CDH4: variants seen among roughly 807,000 people sequenced by gnomAD.
CDH4 encodes the protein cadherin 4.
Under a neutral mutation model 86.0 loss-of-function variants are expected in CDH4, and 33 were observed. The ratio of observed to expected loss-of-function variants is 0.38; its 90% CI spans 0.29 to 0.51. The LOEUF (loss-of-function observed/expected upper bound fraction) is 0.51, where lower values mean the gene tolerates loss of function less well. Ranked by LOEUF, CDH4 falls within the 20% of genes least tolerant of loss-of-function variation. The pLI, the probability that CDH4 is intolerant of heterozygous loss-of-function variation, is 0.86. For missense variants in CDH4, 1,114 were observed against 1,307.4 expected (o/e 0.85, Z 2.28); for synonymous variants, 555 against 549.4 (o/e 1.01, Z -0.14).
chr20:61,529,278 A>G (rs2085935127), intron 2 of CDH4, among the ~76,000 whole-genome samples: 1 of 152,222 alleles, frequency 6.6e-6, no homozygotes, highest in Admixed American at 6.5e-5. Context: ...CATCATTTAC[A>G]TAGGCTTTAA....
At chr20:61,537,142 C>T (rs1027461194) in intron 2 of CDH4, among the ~76,000 whole-genome samples, 5 of 152,212 alleles carry the variant, frequency 3.3e-5, no homozygotes, top group Admixed American at 6.5e-5. Flanking sequence ...CTGAGGTCTA[C>T]ATCATTGCTT....
chr20:61,375,319 T>C (rs1230874377), intron 2 of CDH4, among the ~76,000 whole-genome samples: 1 of 152,180 alleles, frequency 6.6e-6, no homozygotes, highest in African/African-American at 2.4e-5. Flanking sequence ...ATGGAGGTGA[T>C]GGTGGTGACA....
intron 2 of CDH4, among the ~76,000 whole-genome samples, chr20:61,280,834 G>A (rs1168064227): frequency 1.3e-5 from 2 of 149,160 alleles, no homozygotes; most frequent in Admixed American, 6.6e-5. Context: ...GTCCCTAACA[G>A]CTCTCACCTC....
intron 6 of CDH4, among the ~76,000 whole-genome samples, chr20:61,872,629 C>T (rs1490735813): frequency 2.6e-5 from 4 of 152,162 alleles, no homozygotes; most frequent in African/African-American, 9.7e-5. Flanking sequence ...CGCTGCAGGG[C>T]CGGGCACCCG....
intron 1 of CDH4, among the ~76,000 whole-genome samples, chr20:61,253,750 G>T (rs1226598505): frequency 6.6e-6 from 1 of 152,174 alleles, no homozygotes; most frequent in Non-Finnish European, 1.5e-5. Flanking sequence ...GGCGCCCTCC[G>T]CGGTGCCGGC....
At chr20:61,433,756 G>T (rs1263600283) in intron 2 of CDH4, among the ~76,000 whole-genome samples, 1 of 152,068 alleles carries the variant, frequency 6.6e-6, no homozygotes, top group Non-Finnish European at 1.5e-5. Flanking sequence ...CCACAGGGTG[G>T]GTAGGAGGTT....
At chr20:61,528,330 T>G (rs113246638) in intron 2 of CDH4, among the ~76,000 whole-genome samples, 4,069 of 143,692 alleles carry the variant, frequency 0.028, 226 homozygotes, top group African/African-American at 0.1. Flanking sequence ...TGAGCCGAGA[T>G]CATGCCATTG....
At chr20:61,818,182 A>G (rs1189706096) in intron 4 of CDH4, among the ~76,000 whole-genome samples, 1 of 152,174 alleles carries the variant, frequency 6.6e-6, no homozygotes, top group Non-Finnish European at 1.5e-5. Context: ...GGTACACACC[A>G]CTACGCCTCT....
intron 2 of CDH4, among the ~76,000 whole-genome samples, chr20:61,360,129 G>A (rs867896682): frequency 1.3e-5 from 2 of 152,190 alleles, no homozygotes; most frequent in African/African-American, 4.8e-5. Context: ...CGGCATCTTG[G>A]GGAAGGGAGA....
At chr20:61,550,311 CTCCCTAGCCTGCT>C (rs1422924118) in intron 2 of CDH4, among the ~76,000 whole-genome samples, 1 of 132,952 alleles carries the variant, frequency 7.5e-6, no homozygotes, top group African/African-American at 3.2e-5. Flanking sequence ...CCTCACTGGC[CTCCCTAGCCTGCT>C]TCCCTGGCCT....
chr20:61,680,823 T>G (rs912642085), intron 2 of CDH4, among the ~76,000 whole-genome samples: 2 of 120,548 alleles, frequency 1.7e-5, no homozygotes, highest in Middle Eastern at 3.6e-3. Context: ...CTGTCCTGAG[T>G]TCCCCCCTGT....
intron 2 of CDH4, among the ~76,000 whole-genome samples, chr20:61,624,038 C>T (rs759741001): frequency 1.0e-3 from 157 of 152,290 alleles, no homozygotes; most frequent in African/African-American, 3.6e-3. Flanking sequence ...AACGTTTTCT[C>T]GCTCCCTGTC....
chr20:61,708,223 C>G lies in CDH4; in HGVS notation c.170-35340C>G, dbSNP rs1175763200. 6.6e-6 allele frequency among the ~76,000 whole-genome samples: 1 copy of G among 152,186 alleles called. No homozygotes were observed. The highest frequency in any genetic ancestry group is 1.5e-5 in the Non-Finnish European group (1 of 68,008). On this transcript the variant is annotated intron_variant, in intron 2 of 15. Coordinates refer to ENST00000614565, the MANE Select transcript of CDH4 (RefSeq NM_001794.5). This position sits in a 1 kb window ranked among gnomAD's most constrained non-coding sequence, Gnocchi z 4.5. ...GCAAGTGCCTGGACCTGCACACACA[C>G]ACAGGGCTGAGTGTAGCGTGGCCAG... is the stretch of plus-strand genomic sequence containing the variant.
At chr20:61,919,923 C>CATGTCGTGATTGT (rs2054949818) in intron 9 of CDH4, among the ~76,000 whole-genome samples, 3 of 4,504 alleles carry the variant, frequency 6.7e-4, no homozygotes, top group East Asian at 4.8e-3. Context: ...TATGTGGAAG[C>CATGTCGTGATTGT]GTGGTGTCAC....
chr20:61,272,373 C>T (rs2084187997), intron 2 of CDH4, among the ~76,000 whole-genome samples: 1 of 152,208 alleles, frequency 6.6e-6, no homozygotes, highest in South Asian at 2.1e-4. Context: ...TGTCTATCTG[C>T]TCCTCTCTGC....
chr20:61,488,373 C>T (rs1340271014), intron 2 of CDH4, among the ~76,000 whole-genome samples: 2 of 152,114 alleles, frequency 1.3e-5, no homozygotes, highest in Non-Finnish European at 1.5e-5. Context: ...TTCATTTGTT[C>T]AGCGCCTCTG....
chr20:61,721,404 G>T (rs2088039975), intron 2 of CDH4, among the ~76,000 whole-genome samples: 1 of 152,158 alleles, frequency 6.6e-6, no homozygotes, highest in Admixed American at 6.5e-5. Context: ...GACACCAGGG[G>T]CTCTCCCTCT....
intron 9 of CDH4, among the ~76,000 whole-genome samples, chr20:61,921,839 A>T (rs2054986890): frequency 6.8e-6 from 1 of 146,998 alleles, no homozygotes. Flanking sequence ...CCCTGACCCC[A>T]TTCCTTCCCT....
intron 3 of CDH4, among the ~76,000 whole-genome samples, chr20:61,768,399 G>A (rs1188812676): frequency 1.3e-5 from 2 of 152,112 alleles, no homozygotes; most frequent in African/African-American, 2.4e-5. Flanking sequence ...TGTGCATAGC[G>A]CCTGTATACA....
Sources: allele counts gnomAD v4.1 joint callset (sites outside exome capture counted in the v4.1 genomes callset), GRCh38; gene constraint gnomAD v4.1.1; non-coding constraint Gnocchi (gnomAD v3.1); transcripts MANE v1.5; gene names NCBI Gene and HGNC (gene_info 2026-07-23, HGNC 2026-07-21).